The following TTLL11 variants were observed in gnomAD, a reference collection of about 807,000 sequenced individuals.
TTLL11 encodes tubulin tyrosine ligase like 11, also known as tubulin polyglutamylase TTLL11.
Under a neutral mutation model 51.7 loss-of-function variants are expected in TTLL11, and 42 were observed. The ratio of observed to expected loss-of-function variants is 0.81; its 90% CI spans 0.64 to 1.05. TTLL11 has a LOEUF of 1.05. TTLL11 is among the 50% of genes least tolerant of loss of function. TTLL11 has a pLI of 0.00. For missense variants in TTLL11, 799 were observed against 940.4 expected (o/e 0.85, Z 1.97); for synonymous variants, 381 against 383.5 (o/e 0.99, Z 0.08).
chr9:122,077,682 C>T (rs940008680), intron 1 of TTLL11, among the ~76,000 whole-genome samples: 1 of 151,650 alleles, frequency 6.6e-6, no homozygotes, highest in Non-Finnish European at 1.5e-5. Context: ...AAAATCAGGG[C>T]TACAAAATTT....
Position 121,928,097 on chromosome 9 carries a change from G to A in TTLL11, c.1481+45912C>T, listed in dbSNP as rs555971417. On this transcript the variant is annotated intron_variant, in intron 6 of 8. Transcript: ENST00000321582. ...AAGTATCTCAGTAGATGATGGAGAA[G>A]CGTGGGAGGGGCAGTACCAGAGGGG... 3.3e-5 allele frequency among the ~76,000 whole-genome samples: 5 copies of A among 152,268 alleles called. No homozygotes were observed. In the South Asian group the frequency reaches 1.0e-3, roughly 32 times the overall value.
At chr9:122,037,727 G>A (rs1168767792) in intron 2 of TTLL11, among the ~76,000 whole-genome samples, 2 of 152,174 alleles carry the variant, frequency 1.3e-5, no homozygotes, top group African/African-American at 4.8e-5. Flanking sequence ...AGGAGCCAGA[G>A]ACTAGTCTCT....
chr9:121,864,257 G>A (rs564029112), intron 7 of TTLL11, among the ~76,000 whole-genome samples: 19 of 152,316 alleles, frequency 1.2e-4, no homozygotes, highest in Non-Finnish European at 2.5e-4. Context: ...ACCGTTCTCA[G>A]AGACTATACG....
At chr9:121,887,614 G>C (rs1839060145) in intron 6 of TTLL11, among the ~76,000 whole-genome samples, 1 of 152,248 alleles carries the variant, frequency 6.6e-6, no homozygotes, top group African/African-American at 2.4e-5. Flanking sequence ...GGTGTCCCGT[G>C]TGAGATGAGC....
At chr9:121,954,811 G>A (rs1348793305) in intron 6 of TTLL11, among the ~76,000 whole-genome samples, 1 of 152,176 alleles carries the variant, frequency 6.6e-6, no homozygotes, top group Non-Finnish European at 1.5e-5. Flanking sequence ...AATTTGCAAA[G>A]TCTAAGGGTT....
intron 3 of TTLL11, among the ~76,000 whole-genome samples, chr9:122,007,042 T>C (rs956509689): frequency 7.4e-5 from 11 of 148,976 alleles, no homozygotes; most frequent in African/African-American, 2.5e-4. Context: ...AGCAAGCATT[T>C]AGGGTGGGGT....
chr9:122,087,352 G>A (rs1348452347), intron 1 of TTLL11, among the ~76,000 whole-genome samples: 1 of 151,990 alleles, frequency 6.6e-6, no homozygotes, highest in African/African-American at 2.4e-5. Context: ...TTTTTCACGA[G>A]CATAAAACAG....
chr9:121,942,183 G>T (rs1250674098), intron 6 of TTLL11, among the ~76,000 whole-genome samples: 1 of 152,142 alleles, frequency 6.6e-6, no homozygotes, highest in Non-Finnish European at 1.5e-5. Flanking sequence ...TTACCTTTGT[G>T]TCTGGTGAAC....
chr9:121,873,831 CTTTTTTTTTTT>C lies in TTLL11; in HGVS notation c.1482-3094_1482-3084del, dbSNP rs71508142. ...CAGGTGTGCACCACCATTAGCCTGA[CTTTTTTTTTTT>C]TTTTTTTTTTTTGAGAGACAGAGTC... On this transcript the variant is annotated intron_variant, in intron 6 of 8. Transcript: ENST00000321582. Among the ~76,000 whole-genome samples the C allele has an allele frequency of 1.3e-4, 10 of 77,396 alleles. No homozygotes were observed. The South Asian group carries it at 3.1e-3, about 24-fold the overall frequency. 50.8% of individuals were successfully genotyped at this position (77,396 alleles called of 152,430 possible).
At chr9:121,843,734 G>A (rs1230087263) in intron 8 of TTLL11, among the ~76,000 whole-genome samples, 2 of 152,140 alleles carry the variant, frequency 1.3e-5, no homozygotes, top group African/African-American at 4.8e-5. Context: ...GTGCAGTGGT[G>A]CAACCACAGC....
chr9:122,080,527 A>AAAT lies in TTLL11; in HGVS notation c.462+12159_462+12160insATT, dbSNP rs1554792844. Reference sequence around the variant, plus strand: ...TGGAAACCCCATCTCTACAAAAAAAAATATATATATACAAAAATTAGCTGG... The same window carrying AAAT: ...TGGAAACCCCATCTCTACAAAAAAAAAATATATATATATACAAAAATTAGCTGG... On this transcript the variant is annotated intron_variant, in intron 1 of 8. Coordinates refer to ENST00000321582, the MANE Select transcript of TTLL11 (RefSeq NM_001139442.2). Among the ~76,000 whole-genome samples the AAAT allele has an allele frequency of 3.3e-3, 502 of 151,778 alleles. 2 individuals carry two copies. The highest frequency in any genetic ancestry group is 0.011 in the African/African-American group (458 of 41,314).
chr9:122,038,443 G>A (rs1327235691), intron 2 of TTLL11, among the ~76,000 whole-genome samples: 2 of 152,026 alleles, frequency 1.3e-5, no homozygotes, highest in Admixed American at 6.6e-5. Flanking sequence ...TCAGGAGTTC[G>A]AGACCAGCCT....
chr9:121,834,897 C>T (rs920371885), intron 8 of TTLL11, among the ~76,000 whole-genome samples: 2 of 151,978 alleles, frequency 1.3e-5, no homozygotes, highest in African/African-American at 4.8e-5. Context: ...TGCTCTCTCA[C>T]CTCACTGGCC....
intron 6 of TTLL11, among the ~76,000 whole-genome samples, chr9:121,899,237 G>T (rs1280259331): frequency 1.3e-5 from 2 of 152,002 alleles, no homozygotes; most frequent in Non-Finnish European, 2.9e-5. Context: ...TCCTCTGCGT[G>T]TTTACTCAAC....
intron 6 of TTLL11, among the ~76,000 whole-genome samples, chr9:121,878,247 A>C (rs1838642591): frequency 6.6e-6 from 1 of 152,166 alleles, no homozygotes. Context: ...TTTAGGACTC[A>C]AAACAGGCTT....
intron 6 of TTLL11, chr9:121,884,591 A>C (rs1429196844): frequency 7.1e-6 from 1 of 140,168 alleles, no homozygotes; most frequent in African/African-American, 3.1e-5. Context: ...CCACTTTTAC[A>C]AAAAAAAACC....
chr9:121,840,995 C>T (rs77613653), intron 8 of TTLL11, among the ~76,000 whole-genome samples: 2,188 of 152,270 alleles, frequency 0.014, 50 homozygotes, highest in African/African-American at 0.05. Context: ...CGAGCTATGA[C>T]GGCTGGGGAG....
At chr9:121,925,177 G>A (rs1840683042) in intron 6 of TTLL11, among the ~76,000 whole-genome samples, 1 of 152,148 alleles carries the variant, frequency 6.6e-6, no homozygotes, top group African/African-American at 2.4e-5. Context: ...TATTTCTGAA[G>A]GAAAGACCAA....
rs1435512890 is a variant in TTLL11, at chr9:121,822,858, A to G, written c.1862T>C (p.Val621Ala). ...RDSGMCLQAF[V>A]EAFFFLAQRK... ...CTGAGCCAGGAAAAAGAAAGCTTCTACGAAGGCCTGCAGACACATCCCTGT... is the reference window on the plus strand; with the variant it reads ...CTGAGCCAGGAAAAAGAAAGCTTCTGCGAAGGCCTGCAGACACATCCCTGT... Residue 621 changes from valine to alanine, a missense_variant, in exon 9 of 9, where the codon GTA becomes GCA. Physicochemically the swap from Val to Ala is moderately conservative, Grantham distance 64. Transcript: ENST00000321582. The surrounding 1 kb of genome is among the most constrained non-coding windows in gnomAD (Gnocchi z 5.8). 1.3e-6 allele frequency: 2 copies of G among 1,551,206 alleles called. No individual in the cohort carries two copies. Among genetic ancestry groups the G allele is most frequent in the Middle Eastern group, 1.7e-4 (1 of 5,988 alleles).
Sources: allele counts gnomAD v4.1 joint callset (sites outside exome capture counted in the v4.1 genomes callset), GRCh38; gene constraint gnomAD v4.1.1; non-coding constraint Gnocchi (gnomAD v3.1); transcripts MANE v1.5; gene names NCBI Gene and HGNC (gene_info 2026-07-23, HGNC 2026-07-21).